Variants in FBXL17 observed in about 807,000 individuals in gnomAD.
The protein encoded by FBXL17 is F-box/LRR-repeat protein 17.
FBXL17 carries 22 observed loss-of-function variants against 66.2 expected under a neutral mutation model. That is an observed-to-expected ratio of 0.33 (90% CI 0.24 to 0.47). The LOEUF (loss-of-function observed/expected upper bound fraction) is 0.47. FBXL17 is among the 20% of genes least tolerant of loss of function. FBXL17 has a pLI of 1.00. For synonymous variants in FBXL17, 474 were observed against 400.5 expected (o/e 1.18, Z -2.19); for missense variants, 878 against 948.2 (o/e 0.93, Z 0.97).
intron 6 of FBXL17, among the ~76,000 whole-genome samples, chr5:108,171,376 AT>A (rs1752599571): frequency 6.6e-6 from 1 of 152,192 alleles, no homozygotes; most frequent in African/African-American, 2.4e-5. Context: ...ACAGATCTAC[AT>A]TCAATCCTGG....
At chr5:107,923,339 C>A (rs1750386341) in intron 7 of FBXL17, among the ~76,000 whole-genome samples, 1 of 152,148 alleles carries the variant, frequency 6.6e-6, no homozygotes, top group Non-Finnish European at 1.5e-5. Context: ...CCTGTTATGG[C>A]GTTTTCATCC....
chr5:108,346,752 T>G (rs1186509991), intron 4 of FBXL17, among the ~76,000 whole-genome samples: 1 of 152,136 alleles, frequency 6.6e-6, no homozygotes, highest in Non-Finnish European at 1.5e-5. Flanking sequence ...AAACTATAAC[T>G]AGCAAATAGA....
intron 7 of FBXL17, among the ~76,000 whole-genome samples, chr5:107,889,331 CA>C (rs1170726115): frequency 6.6e-6 from 1 of 152,116 alleles, no homozygotes; most frequent in African/African-American, 2.4e-5. Flanking sequence ...GAAAATGTTG[CA>C]AATGCTCAAT....
chr5:108,047,289 G>T lies in FBXL17; in HGVS notation c.1746-26288C>A, dbSNP rs77546695. ...CCCAGCTAGGGAAACTGTGCTTTCC[G>T]CATGGAACTGTGCAACCCACAGATC... On this transcript the variant is annotated intron_variant, in intron 6 of 8. Coordinates refer to ENST00000542267, the MANE Select transcript of FBXL17 (RefSeq NM_001163315.3). Among the ~76,000 whole-genome samples, 1,102 of 152,316 alleles carry T rather than the reference G, an allele frequency of 7.2e-3. 8 individuals carry two copies. Among genetic ancestry groups the T allele is most frequent in the African/African-American group, 0.023 (942 of 41,570 alleles).
intron 6 of FBXL17, among the ~76,000 whole-genome samples, chr5:108,069,508 G>A (rs1459129669): frequency 1.3e-5 from 2 of 152,168 alleles, no homozygotes; most frequent in East Asian, 3.8e-4. Context: ...TTGTGTATAT[G>A]CATCAGGCCA....
At chr5:108,006,465 T>C (rs1753924961) in intron 7 of FBXL17, among the ~76,000 whole-genome samples, 1 of 152,160 alleles carries the variant, frequency 6.6e-6, no homozygotes, top group African/African-American at 2.4e-5. Context: ...AGTAAAAAGG[T>C]GAATAGTGAT....
At chr5:107,994,055 C>T (rs1412292920) in intron 7 of FBXL17, among the ~76,000 whole-genome samples, 1 of 151,870 alleles carries the variant, frequency 6.6e-6, no homozygotes, top group Non-Finnish European at 1.5e-5. Context: ...ATTATTAATT[C>T]TACATGTTTT....
chr5:108,358,965 G>A (rs1748172738), intron 3 of FBXL17, among the ~76,000 whole-genome samples: 1 of 151,864 alleles, frequency 6.6e-6, no homozygotes, highest in African/African-American at 2.4e-5. Flanking sequence ...TCAGCCTCCT[G>A]GGCTCAAGCA....
intron 7 of FBXL17, among the ~76,000 whole-genome samples, chr5:107,912,309 G>C (rs1252889355): frequency 6.6e-6 from 1 of 152,094 alleles, no homozygotes; most frequent in Admixed American, 6.6e-5. Context: ...AGGTCCCATA[G>C]CTAGTAAGTC....
intron 5 of FBXL17, among the ~76,000 whole-genome samples, chr5:108,198,884 A>G (rs1041968359): frequency 3.3e-5 from 5 of 151,952 alleles, no homozygotes; most frequent in African/African-American, 1.2e-4. Flanking sequence ...AGATCTCTCT[A>G]AAGTTTTCCT....
intron 7 of FBXL17, among the ~76,000 whole-genome samples, chr5:107,980,248 A>C (rs545387704): frequency 6.6e-6 from 1 of 152,136 alleles, no homozygotes; most frequent in Admixed American, 6.5e-5. Flanking sequence ...ACAAAATGAT[A>C]AAAGGACTTG....
chr5:108,042,010 C>G (rs528544360), intron 6 of FBXL17, among the ~76,000 whole-genome samples: 6 of 152,214 alleles, frequency 3.9e-5, no homozygotes, highest in African/African-American at 1.4e-4. Context: ...ACTCTCCTGC[C>G]TCAACCTCCC....
chr5:108,110,939 T>C (rs1415066596), intron 6 of FBXL17, among the ~76,000 whole-genome samples: 1 of 152,152 alleles, frequency 6.6e-6, no homozygotes, highest in Non-Finnish European at 1.5e-5. Flanking sequence ...TAAGCCTCCC[T>C]TTCCTCCTCC....
chr5:108,257,791 T>C (rs184001363), intron 4 of FBXL17, among the ~76,000 whole-genome samples: 1 of 152,244 alleles, frequency 6.6e-6, no homozygotes, highest in African/African-American at 2.4e-5. Context: ...GATCTTAAAT[T>C]GTTCACATAC....
chr5:108,008,008 T>A (rs1348362483), intron 7 of FBXL17, among the ~76,000 whole-genome samples: 4 of 152,118 alleles, frequency 2.6e-5, no homozygotes, highest in Non-Finnish European at 2.9e-5. Flanking sequence ...CAAAATATTG[T>A]GGAAATAAAA....
At chr5:108,162,886 A>C (rs1752268409) in intron 6 of FBXL17, among the ~76,000 whole-genome samples, 1 of 152,200 alleles carries the variant, frequency 6.6e-6, no homozygotes, top group South Asian at 2.1e-4. Context: ...GGTTTCTGAA[A>C]TCCTAAGTAG....
intron 6 of FBXL17, 58 bp downstream of exon 6, chr5:108,186,056 AATT>A: frequency 1.5e-6 from 2 of 1,324,910 alleles, no homozygotes; most frequent in Non-Finnish European, 2.1e-6. Flanking sequence ...TTGTTATAAT[AATT>A]AATATTTCCT....
intron 4 of FBXL17, among the ~76,000 whole-genome samples, chr5:108,266,537 G>A (rs1757053079): frequency 6.6e-6 from 1 of 152,118 alleles, no homozygotes; most frequent in African/African-American, 2.4e-5. Flanking sequence ...TCTTTCTTCA[G>A]TTAATAACAT....
In FBXL17 at chr5:107,965,113, A is replaced by G. The variant is rs1230335533; in HGVS notation, c.1822+55812T>C. On this transcript the variant is annotated intron_variant, in intron 7 of 8. Transcript: ENST00000542267. ...GGCTATTTTGCTCAACATTTGATGC[A>G]CAATGGGTAAGTACATACTAAAGTC... is the stretch of plus-strand genomic sequence containing the variant. Among the ~76,000 whole-genome samples, 19 of 152,150 alleles carry G rather than the reference A, an allele frequency of 1.2e-4. 1 individual carries two copies. The highest frequency in any genetic ancestry group is 1.2e-3 in the Admixed American group (19 of 15,244).
Sources: gnomAD v4.1 joint callset for allele counts (sites outside exome capture counted in the v4.1 genomes callset) on GRCh38, gnomAD v4.1.1 for gene constraint, MANE v1.5 for transcripts, NCBI Gene and HGNC (gene_info 2026-07-23, HGNC 2026-07-21) for gene names.